Variants in PURG observed in about 807,000 individuals in gnomAD.
PURG encodes the protein purine rich element binding protein G, also known as purine-rich element-binding protein gamma.
PURG carries 3 observed loss-of-function variants against 24.3 expected under a neutral mutation model. The observed-to-expected ratio is 0.12, with a 90% confidence interval of 0.06 to 0.32. The LOEUF (loss-of-function observed/expected upper bound fraction) is 0.32. Ranked by LOEUF, PURG falls within the 10% of genes least tolerant of loss-of-function variation. The pLI, the probability that PURG is intolerant of heterozygous loss-of-function variation, is 1.00. For synonymous variants in PURG, 180 were observed against 173.1 expected (o/e 1.04, Z -0.31); for missense variants, 371 against 439.1 (o/e 0.84, Z 1.39).
At chr8:31,019,908 T>C (rs1810961764) in intron 1 of PURG, among the ~76,000 whole-genome samples, 1 of 151,040 alleles carries the variant, frequency 6.6e-6, no homozygotes, top group Non-Finnish European at 1.5e-5. Flanking sequence ...TGGTGGCTCA[T>C]GCCTATAATC....
intron 1 of PURG, among the ~76,000 whole-genome samples, chr8:31,006,789 G>A (rs915879704): frequency 6.6e-6 from 1 of 152,146 alleles, no homozygotes; most frequent in African/African-American, 2.4e-5. Flanking sequence ...CATATTTGTT[G>A]ACTGAATAAA....
downstream of PURG, among the ~76,000 whole-genome samples, chr8:31,029,692 T>A (rs1245149133): frequency 6.6e-6 from 1 of 151,876 alleles, no homozygotes; most frequent in African/African-American, 2.4e-5. Context: ...CAGCTCCAGT[T>A]TGCCAAAATC....
At chr8:31,011,154 T>A (rs985609346) in intron 1 of PURG, among the ~76,000 whole-genome samples, 2 of 152,210 alleles carry the variant, frequency 1.3e-5, no homozygotes, top group Non-Finnish European at 2.9e-5. Flanking sequence ...ATACTGAATA[T>A]GCAATGAGAG....
At chr8:30,997,516 T>G (rs1284520100) in intron 1 of PURG, among the ~76,000 whole-genome samples, 1 of 151,738 alleles carries the variant, frequency 6.6e-6, no homozygotes, top group African/African-American at 2.4e-5. Context: ...TCTGTAATCA[T>G]GTAATGATCA....
At chr8:31,026,132 T>C (rs1306488540), downstream of PURG, among the ~76,000 whole-genome samples, 1 of 151,992 alleles carries the variant, frequency 6.6e-6, no homozygotes, top group African/African-American at 2.4e-5. Flanking sequence ...ACTCATTTGC[T>C]CTTATAAGGG....
chr8:31,024,808 A>G (rs1443021615), intron 1 of PURG, among the ~76,000 whole-genome samples: 1 of 152,106 alleles, frequency 6.6e-6, no homozygotes, highest in African/African-American at 2.4e-5. Flanking sequence ...GACAAAAAAA[A>G]CAACATAAGC....
At chr8:30,996,609 T>C (rs372417842) in exon 2 of PURG, 1 of 1,608,258 alleles carries the variant, frequency 6.2e-7, no homozygotes, top group East Asian at 2.2e-5. Context: ...CTCAACTGTT[T>C]TTGTAGTATC....
chr8:30,998,575 C>T (rs1810474543), intron 1 of PURG, among the ~76,000 whole-genome samples: 2 of 151,560 alleles, frequency 1.3e-5, no homozygotes, highest in South Asian at 4.2e-4. Flanking sequence ...ATCTTCAATC[C>T]CTAAGGTATT....
chr8:31,016,538 T>G (rs1373233762), intron 1 of PURG, among the ~76,000 whole-genome samples: 1 of 122,098 alleles, frequency 8.2e-6, no homozygotes. Flanking sequence ...CAATTTGTGC[T>G]GGAAAAACGA....
chr8:31,025,497 A>G (rs1288419347), intron 1 of PURG, among the ~76,000 whole-genome samples: 1 of 152,030 alleles, frequency 6.6e-6, no homozygotes, highest in Admixed American at 6.6e-5. Context: ...TGACATGTTC[A>G]TAAAATTCAC....
downstream of PURG, among the ~76,000 whole-genome samples, chr8:31,026,462 T>G (rs1811090316): frequency 1.3e-5 from 2 of 151,424 alleles, no homozygotes; most frequent in Admixed American, 1.3e-4. Flanking sequence ...TCATTCAAAA[T>G]TTCCTTGATA....
chr8:31,006,823 C>T (rs11775287), intron 1 of PURG, among the ~76,000 whole-genome samples: 57,970 of 152,114 alleles, frequency 0.38, 13,031 homozygotes, highest in East Asian at 0.69. Flanking sequence ...TCCCCTTGAA[C>T]TGCCATTTCT....
downstream of PURG, among the ~76,000 whole-genome samples, chr8:31,029,932 G>A (rs2129850329): frequency 1.3e-5 from 2 of 151,968 alleles, no homozygotes; most frequent in Middle Eastern, 6.8e-3. Context: ...ACCTTCAGTT[G>A]TTCCATAGTG....
intron 1 of PURG, among the ~76,000 whole-genome samples, chr8:30,998,023 G>A (rs1034032475): frequency 1.3e-5 from 2 of 151,674 alleles, no homozygotes; most frequent in Non-Finnish European, 3.0e-5. Flanking sequence ...ATAATGGACT[G>A]GCTTAATAAT....
intron 1 of PURG, among the ~76,000 whole-genome samples, chr8:31,013,486 C>T (rs1203458741): frequency 1.3e-5 from 2 of 152,126 alleles, no homozygotes; most frequent in Non-Finnish European, 1.5e-5. Flanking sequence ...GCCTGTAATC[C>T]CAGCACTTTG....
intron 1 of PURG, among the ~76,000 whole-genome samples, chr8:30,999,129 CAAGT>C (rs991677071): frequency 5.3e-5 from 8 of 151,646 alleles, no homozygotes; most frequent in Admixed American, 3.3e-4. Flanking sequence ...CTGATGCTTC[CAAGT>C]CTTGTCATTT....
intron 1 of PURG, among the ~76,000 whole-genome samples, chr8:31,023,790 C>G (rs944381093): frequency 6.6e-6 from 1 of 152,106 alleles, no homozygotes; most frequent in African/African-American, 2.4e-5. Flanking sequence ...ATCATTATTT[C>G]TAGCATAGGA....
Position 31,018,993 on chromosome 8 carries a change from G to A in PURG, c.864+12926C>T, listed in dbSNP as rs1322944397. On this transcript the variant is annotated intron_variant, in intron 1 of 1. Coordinates refer to the PURG transcript ENST00000339382. Reference sequence around the variant, plus strand: ...AATAGAAAAAATTAGGCGTTGTGGCGGGCGCCTGTAGTCCCAGCTACTCGG... The same window carrying A: ...AATAGAAAAAATTAGGCGTTGTGGCAGGCGCCTGTAGTCCCAGCTACTCGG... 9.4e-5 allele frequency among the ~76,000 whole-genome samples: 14 copies of A among 148,892 alleles called. No individual in the cohort carries two copies. In the East Asian group the frequency reaches 2.6e-3, roughly 28 times the overall value.
At chr8:31,029,840 G>T (rs1811160188), downstream of PURG, among the ~76,000 whole-genome samples, 1 of 151,842 alleles carries the variant, frequency 6.6e-6, no homozygotes, top group Non-Finnish European at 1.5e-5. Flanking sequence ...TTTACAGTTA[G>T]GACTGTTTAA....
Sources: gnomAD v4.1 joint callset for allele counts (sites outside exome capture counted in the v4.1 genomes callset) on GRCh38, gnomAD v4.1.1 for gene constraint, MANE v1.5 for transcripts, NCBI Gene and HGNC (gene_info 2026-07-23, HGNC 2026-07-21) for gene names.